Variants in TARS3 observed in about 807,000 individuals in gnomAD.
TARS3 encodes threonine--tRNA ligase 2, cytoplasmic.
In TARS3, 94 loss-of-function variants were observed where a neutral mutation model predicts 103.5. The observed-to-expected ratio is 0.91, with a 90% CI of 0.77 to 1.08. The LOEUF (loss-of-function observed/expected upper bound fraction) is 1.08. Ranked by LOEUF, TARS3 falls within the 50% of genes least tolerant of loss-of-function variation. The probability of loss-of-function intolerance (pLI) is 0.00; values close to 1 mark genes in which losing one functional copy is unlikely to be tolerated. For missense variants in TARS3, 952 were observed against 995.2 expected, an observed-to-expected ratio of 0.96 and a Z score of 0.58; for synonymous variants, 416 against 355.4, an observed-to-expected ratio of 1.17 and a Z score of -1.92.
chr15:101,667,445 T>C (rs1049294737), intron 15 of TARS3, among the ~76,000 whole-genome samples: 16 of 152,234 alleles, frequency 1.1e-4, no homozygotes, highest in African/African-American at 3.9e-4. Flanking sequence ...GGCTGCTTCA[T>C]ATATATTGAA....
intron 15 of TARS3, among the ~76,000 whole-genome samples, chr15:101,668,567 T>C (rs1005183612): frequency 1.3e-5 from 2 of 152,152 alleles, no homozygotes; most frequent in African/African-American, 4.8e-5. Context: ...AGTAAGCCCA[T>C]GCTGTTGGAA....
At chr15:101,672,499 G>A (rs1212237639) in intron 13 of TARS3, among the ~76,000 whole-genome samples, 2 of 152,108 alleles carry the variant, frequency 1.3e-5, no homozygotes, top group African/African-American at 2.4e-5. Context: ...TCCAACATAC[G>A]GGTGCCCATG....
intron 5 of TARS3, among the ~76,000 whole-genome samples, chr15:101,710,588 T>G (rs1899811593): frequency 6.6e-6 from 1 of 152,164 alleles, no homozygotes. Flanking sequence ...GCCATTGATT[T>G]GGGAAAAAAC....
At chr15:101,682,447 G>A (rs1381406303) in intron 12 of TARS3, among the ~76,000 whole-genome samples, 1 of 151,980 alleles carries the variant, frequency 6.6e-6, no homozygotes, top group East Asian at 1.9e-4. Flanking sequence ...GAATTACAAT[G>A]ATTCATTTTC....
intron 10 of TARS3, chr15:101,699,526 G>A (rs917835934): frequency 1.6e-5 from 7 of 444,494 alleles, no homozygotes; most frequent in African/African-American, 1.4e-4. Context: ...AGTACAAGGT[G>A]CCAGGGGCCA....
At chr15:101,700,906 T>C (rs949671621) in intron 10 of TARS3, among the ~76,000 whole-genome samples, 180 bp downstream of exon 10, 2 of 152,162 alleles carry the variant, frequency 1.3e-5, no homozygotes, top group Admixed American at 6.5e-5. Flanking sequence ...CCTCCCAAAG[T>C]GCTGGGATTA....
At chr15:101,716,949 C>T (rs943205930) in intron 3 of TARS3, among the ~76,000 whole-genome samples, 7 of 151,326 alleles carry the variant, frequency 4.6e-5, no homozygotes, top group African/African-American at 7.3e-5. Context: ...CTCTACCTTC[C>T]GGGTTCAAGT....
chr15:101,657,895 A>G (rs1484621120), intron 16 of TARS3, 38 bp from the exon 17 acceptor site: 4 of 1,257,630 alleles, frequency 3.2e-6, no homozygotes, highest in Non-Finnish European at 4.5e-6. Context: ...TTCAAAGTGT[A>G]ATAATGGCTA....
At chr15:101,669,995 T>C (rs1897734597) in intron 15 of TARS3, among the ~76,000 whole-genome samples, 2 of 152,210 alleles carry the variant, frequency 1.3e-5, no homozygotes, top group African/African-American at 4.8e-5. Flanking sequence ...AAACAATGAA[T>C]CTTGACCCAA....
chr15:101,693,284 G>A (rs906218006), intron 10 of TARS3, among the ~76,000 whole-genome samples: 1 of 152,126 alleles, frequency 6.6e-6, no homozygotes, highest in African/African-American at 2.4e-5. Flanking sequence ...TCACAATCAC[G>A]GTGGAAGGCA....
rs143049717 is a variant in TARS3, at chr15:101,653,691, T to A, written c.*891A>T. ...CAGTATATTGAAAAGAGATTATTTC[T>A]TACATTTCTTTTGAATTTCACAGCA... On this transcript the variant is annotated 3_prime_UTR_variant, in exon 19 of 19. Coordinates refer to ENST00000335968, the MANE Select transcript of TARS3 (RefSeq NM_152334.3). 3.2e-3 allele frequency: 482 copies of A among 152,106 alleles called. No individual in the cohort carries two copies. The highest frequency in any genetic ancestry group is 0.011 in the African/African-American group (470 of 41,322). 9.4% of individuals were successfully genotyped at this position (152,106 alleles called of 1,614,324 possible).
chr15:101,670,388 T>C (rs958589209), intron 15 of TARS3, among the ~76,000 whole-genome samples: 2 of 152,142 alleles, frequency 1.3e-5, no homozygotes, highest in African/African-American at 4.8e-5. Flanking sequence ...CCAAAGAGGA[T>C]AAATGAATAG....
At chr15:101,695,012 T>C (rs974248856) in intron 10 of TARS3, among the ~76,000 whole-genome samples, 12 of 152,320 alleles carry the variant, frequency 7.9e-5, no homozygotes, top group African/African-American at 2.4e-4. Context: ...ACCATGACAG[T>C]TGCATAATAA....
chr15:101,691,894 C>CT (rs981701734), intron 10 of TARS3, among the ~76,000 whole-genome samples: 2 of 151,668 alleles, frequency 1.3e-5, no homozygotes, highest in Non-Finnish European at 2.9e-5. Flanking sequence ...GAGCTCTCTC[C>CT]TTTTTTTAGA....
Position 101,654,243 on chromosome 15 carries a change from G to C in TARS3, c.*339C>G, listed in dbSNP as rs1003518663. ...CCTCCTATTTAAAAAAAACTCTGCA[G>C]ACTTTTATTTGAAGCCCATCTTTTG... On this transcript the variant is annotated 3_prime_UTR_variant, in exon 19 of 19. Transcript: ENST00000335968. 2.2e-4 allele frequency: 44 copies of C among 196,186 alleles called. 1 individual carries two copies. Among genetic ancestry groups the C allele is most frequent in the African/African-American group, 9.7e-4 (42 of 43,078 alleles). 12.2% of individuals were successfully genotyped at this position (196,186 alleles called of 1,614,324 possible).
intron 2 of TARS3, 97 bp from the exon 3 acceptor site, chr15:101,721,419 A>C (rs1900452994): frequency 2.4e-6 from 2 of 822,080 alleles, no homozygotes; most frequent in East Asian, 2.6e-5. Context: ...CTGCCTTCTC[A>C]GTTCTACAGA....
In TARS3 at chr15:101,684,105, G is replaced by A. The variant is rs780626895; in HGVS notation, c.1620C>T (p.Asp540=). 1.9e-5 allele frequency: 31 copies of A among 1,613,234 alleles called. No homozygotes were observed. Among genetic ancestry groups the A allele is most frequent in the Admixed American group, 5.0e-5 (3 of 59,878 alleles). The part of the protein sequence containing the change: ...GLTRVRRFQQ[D]DAHIFCTVEQ... Reference sequence around the variant, plus strand: ...CCACTGTGCAAAAAATGTGAGCATCGTCCTGCTGGAAGCGCCTCACTCTGG... The same window carrying A: ...CCACTGTGCAAAAAATGTGAGCATCATCCTGCTGGAAGCGCCTCACTCTGG... The change falls in exon 12 of 19, where the codon GAC becomes GAT. Residue 540 remains aspartate, a synonymous_variant. Coordinates refer to ENST00000335968, the MANE Select transcript of TARS3 (RefSeq NM_152334.3).
chr15:101,694,413 T>TG (rs1898871130), intron 10 of TARS3, among the ~76,000 whole-genome samples: 1 of 152,230 alleles, frequency 6.6e-6, no homozygotes, highest in South Asian at 2.1e-4. Context: ...TGGCTACTAC[T>TG]GACTGGTCTA....
chr15:101,675,518 G>T, intron 13 of TARS3, 82 bp downstream of exon 13: 1 of 1,343,710 alleles, frequency 7.4e-7, no homozygotes, highest in Non-Finnish European at 1.0e-6. Flanking sequence ...ACAAATTATT[G>T]CATCCTCCTG....
Sources: gnomAD v4.1 joint callset for allele counts (sites outside exome capture counted in the v4.1 genomes callset) on GRCh38, gnomAD v4.1.1 for gene constraint, MANE v1.5 for transcripts, NCBI Gene and HGNC (gene_info 2026-07-23, HGNC 2026-07-21) for gene names.